Variants in TTF2 observed in about 807,000 individuals in gnomAD.
TTF2 encodes the protein transcription termination factor 2.
In TTF2, 108 loss-of-function variants were observed where a neutral mutation model predicts 142.4. The ratio of observed to expected loss-of-function variants is 0.76; its 90% CI spans 0.65 to 0.89. The LOEUF (loss-of-function observed/expected upper bound fraction) is 0.89, where lower values mean the gene tolerates loss of function less well. Among genes scored for constraint, TTF2 ranks in the 40% least tolerant of loss-of-function variants. The pLI, the probability that TTF2 is intolerant of heterozygous loss-of-function variation, is 0.00. For missense variants in TTF2, 1,327 were observed against 1,379.8 expected, an observed-to-expected ratio of 0.96 and a Z score of 0.61; for synonymous variants, 483 against 506.2, an observed-to-expected ratio of 0.95 and a Z score of 0.61.
intron 10 of TTF2, 88 bp downstream of exon 10, chr1:117,082,035 T>A: frequency 6.3e-7 from 1 of 1,584,028 alleles, no homozygotes; most frequent in South Asian, 1.1e-5. Context: ...AAAGGACACC[T>A]TTGGTCATAT....
In TTF2 at chr1:117,092,720, T is replaced by C. The variant is rs1249057818; in HGVS notation, c.2806-11T>C. On this transcript the variant is annotated splice_polypyrimidine_tract_variant and intron_variant, in intron 17 of 22. Coordinates refer to ENST00000369466, the MANE Select transcript of TTF2 (RefSeq NM_003594.4). This position sits in a 1 kb window ranked among gnomAD's most constrained non-coding sequence, Gnocchi z 4.4. ...ACTCCCAGCTGCTCCTGTCCTTTTTTGTCTGTTCAGGCCCTGGATCCAATG... is the reference window on the plus strand; with the variant it reads ...ACTCCCAGCTGCTCCTGTCCTTTTTCGTCTGTTCAGGCCCTGGATCCAATG... 1 of 1,607,580 alleles carries C rather than the reference T, an allele frequency of 6.2e-7. No individual in the cohort carries two copies. Among genetic ancestry groups the C allele is most frequent in the Non-Finnish European group, 8.5e-7 (1 of 1,176,836 alleles).
intron 2 of TTF2, among the ~76,000 whole-genome samples, chr1:117,060,846 A>G: frequency 6.6e-6 from 1 of 152,086 alleles, no homozygotes. Context: ...GTTTCTATTC[A>G]CTTGACAGGC....
At chr1:117,091,254 C>A in intron 15 of TTF2, 74 bp from the exon 16 acceptor site, 3 of 1,249,182 alleles carry the variant, frequency 2.4e-6, no homozygotes, top group Non-Finnish European at 2.2e-6. Flanking sequence ...TTGTCAAGAT[C>A]CCACTGCAGG....
Position 117,101,364 on chromosome 1 carries a change from T to C in TTF2, c.3345-16T>C. ...GGTTTTTGATAGTTTGCTTATTTTTTGTTTTTGTTTTTTAGATTTGTTTGT... is the reference window on the plus strand; with the variant it reads ...GGTTTTTGATAGTTTGCTTATTTTTCGTTTTTGTTTTTTAGATTTGTTTGT... On this transcript the variant is annotated splice_polypyrimidine_tract_variant and intron_variant, in intron 22 of 22. Transcript: ENST00000369466. This position sits in a 1 kb window ranked among gnomAD's most constrained non-coding sequence, Gnocchi z 5.9. The C allele has an allele frequency of 6.4e-7, 1 of 1,568,974 alleles. No individual in the cohort carries two copies. The highest frequency in any genetic ancestry group is 8.6e-7 in the Non-Finnish European group (1 of 1,167,056).
chr1:117,076,421 T>G lies in TTF2; in HGVS notation c.1390+127T>G. The G allele has an allele frequency of 1.1e-6, 1 of 908,050 alleles. No homozygotes were observed. The highest frequency in any genetic ancestry group is 1.7e-5 in the African/African-American group (1 of 59,376). The allele number at this position is 908,050 out of a possible 1,614,324, so 56.2% of individuals were successfully genotyped here. A position where few individuals can be genotyped will look rare whatever the true frequency, so the allele number is the denominator to read the frequency against. On this transcript the variant is annotated intron_variant, in intron 6 of 22. Transcript: ENST00000369466. The surrounding 1 kb of genome is among the most constrained non-coding windows in gnomAD (Gnocchi z 4.6). ...CATTTTATTATCTGCTTCTGAGACT[T>G]CTTTCACATTACACCTATGGTTCAT...
intron 3 of TTF2, among the ~76,000 whole-genome samples, chr1:117,067,806 T>C (rs917404176): frequency 6.6e-6 from 1 of 152,236 alleles, no homozygotes; most frequent in African/African-American, 2.4e-5. Flanking sequence ...TTAAATATTT[T>C]ACATCCTCTA....
rs1240885357 is a variant in TTF2 at position 117,106,252 on chromosome 1, T to G, written c.*4728T>G. On this transcript the variant is annotated 3_prime_UTR_variant, in exon 23 of 23. Coordinates refer to ENST00000369466, the MANE Select transcript of TTF2 (RefSeq NM_003594.4). ...TACAAACTACCACAGAAGTCAGTAG[T>G]TAGGGGATGGAGATAGATATGAAAA... 2.7e-5 allele frequency: 4 copies of G among 149,932 alleles called. No homozygotes were observed. In the East Asian group the frequency reaches 5.8e-4, roughly 22 times the overall value. The allele number at this position is 149,932 out of a possible 1,614,324, so 9.3% of individuals were successfully genotyped here. A position where few individuals can be genotyped will look rare whatever the true frequency, so the allele number is the denominator to read the frequency against.
Position 117,063,187 on chromosome 1 carries a change from G to T in TTF2, c.218+714G>T, listed in dbSNP as rs1274107393. 6.6e-6 allele frequency among the ~76,000 whole-genome samples: 1 copy of T among 152,000 alleles called. No homozygotes were observed. Among genetic ancestry groups the T allele is most frequent in the African/African-American group, 2.4e-5 (1 of 41,376 alleles). On this transcript the variant is annotated intron_variant, in intron 3 of 22. Coordinates refer to ENST00000369466, the MANE Select transcript of TTF2 (RefSeq NM_003594.4). The surrounding 1 kb of genome is among the most constrained non-coding windows in gnomAD (Gnocchi z 4.1). ...TCTAGATCCCCCCACCCAATTAAAGGCATTTGAGTACCACCTACAATTTTT... is the reference window on the plus strand; with the variant it reads ...TCTAGATCCCCCCACCCAATTAAAGTCATTTGAGTACCACCTACAATTTTT...
Position 117,076,673 on chromosome 1 carries a change from C to T in TTF2, c.1423C>T (p.Gln475Ter). The change falls in exon 7 of 23, where the codon CAG becomes TAG. Residue 475 changes from glutamine to a stop codon, truncating the protein, a stop_gained. Coordinates refer to ENST00000369466, the MANE Select transcript of TTF2 (RefSeq NM_003594.4). LOFTEE classifies it high-confidence loss of function. This position sits in a 1 kb window ranked among gnomAD's most constrained non-coding sequence, Gnocchi z 4.6. ...TGAGAAGAGTAACAGTCAAGTACCA[C>T]AGCAGAGTCACTTCACCAAAACTAC... Reference protein sequence around the residue: ...TNEKSNSQVPQQSHFTKTTTG... With the variant: ...TNEKSNSQVP 1 of 1,613,408 alleles carries T rather than the reference C, an allele frequency of 6.2e-7. No individual in the cohort carries two copies. The highest frequency in any genetic ancestry group is 8.5e-7 in the Non-Finnish European group (1 of 1,179,650).
In TTF2 at chr1:117,104,989, A is replaced by G. The variant is rs1268472443; in HGVS notation, c.*3465A>G. ...CTAGCGATGGGCAGCATCCCACAACACAGTGGTCTAATTGAGGTGCTGCAC... is the reference window on the plus strand; with the variant it reads ...CTAGCGATGGGCAGCATCCCACAACGCAGTGGTCTAATTGAGGTGCTGCAC... On this transcript the variant is annotated 3_prime_UTR_variant, in exon 23 of 23. Coordinates refer to ENST00000369466, the MANE Select transcript of TTF2 (RefSeq NM_003594.4). The G allele has an allele frequency of 2.0e-5, 3 of 152,232 alleles. No individual in the cohort carries two copies. The highest frequency in any genetic ancestry group is 4.4e-5 in the Non-Finnish European group (3 of 68,050). The allele number at this position is 152,232 out of a possible 1,614,324, so 9.4% of individuals were successfully genotyped here.
Position 117,100,517 on chromosome 1 carries a change from A to C in TTF2, c.3345-863A>C, listed in dbSNP as rs1649502852. On this transcript the variant is annotated intron_variant, in intron 22 of 22. Coordinates refer to ENST00000369466, the MANE Select transcript of TTF2 (RefSeq NM_003594.4). This position sits in a 1 kb window ranked among gnomAD's most constrained non-coding sequence, Gnocchi z 4.6. ...TCAAATCAAAATGTCTTAGCATGAC[A>C]TGCACCACCACCCGTGATCTGGCCC... Among the ~76,000 whole-genome samples the C allele has an allele frequency of 6.6e-6, 1 of 152,142 alleles. No homozygotes were observed. The highest frequency in any genetic ancestry group is 6.5e-5 in the Admixed American group (1 of 15,270).
rs1397654049 is a variant in TTF2, at chr1:117,063,617, G to A, written c.218+1144G>A. The stretch of plus-strand genomic sequence containing the variant: ...ATTTCATTTATAAATGCACCACTTT[G>A]TTTGGTGTGCCTATTTGCCATCAGA... On this transcript the variant is annotated intron_variant, in intron 3 of 22. Coordinates refer to ENST00000369466, the MANE Select transcript of TTF2 (RefSeq NM_003594.4). The surrounding 1 kb of genome is among the most constrained non-coding windows in gnomAD (Gnocchi z 4.1). Among the ~76,000 whole-genome samples the A allele has an allele frequency of 6.6e-6, 1 of 152,064 alleles. No individual in the cohort carries two copies. Among genetic ancestry groups the A allele is most frequent in the African/African-American group, 2.4e-5 (1 of 41,400 alleles).
Position 117,096,140 on chromosome 1 carries a change from T to C in TTF2, c.3036-9T>C, listed in dbSNP as rs1264511665. ...TTAGGGTATTTTTTTATTTTATTCT[T>C]CTTTCCAGTGTCATTGTCTCTCAGT... On this transcript the variant is annotated splice_polypyrimidine_tract_variant and intron_variant, in intron 19 of 22. Transcript: ENST00000369466. The C allele has an allele frequency of 6.8e-6, 11 of 1,613,872 alleles. No homozygotes were observed. Among genetic ancestry groups the C allele is most frequent in the Admixed American group, 1.7e-5 (1 of 59,986 alleles).
intron 8 of TTF2, among the ~76,000 whole-genome samples, chr1:117,078,565 G>C (rs533438916): frequency 6.6e-6 from 1 of 152,222 alleles, no homozygotes; most frequent in Non-Finnish European, 1.5e-5. Context: ...GTGGTGACTA[G>C]TGGGAAGATA....
At chr1:117,089,758 T>C (rs1324307529) in intron 13 of TTF2, among the ~76,000 whole-genome samples, 6 of 152,222 alleles carry the variant, frequency 3.9e-5, no homozygotes, top group Admixed American at 3.9e-4. Flanking sequence ...GTGAAATTTC[T>C]TTCTTAGCTC....
At position 117,086,660 on chromosome 1, in the gene TTF2, T is replaced by C; in HGVS notation, c.2160+138T>C. 1.6e-6 allele frequency: 1 copy of C among 644,136 alleles called. No individual in the cohort carries two copies. Among genetic ancestry groups the C allele is most frequent in the Admixed American group, 2.5e-5 (1 of 40,676 alleles). The allele number at this position is 644,136 out of a possible 1,614,324, so 39.9% of individuals were successfully genotyped here. ...TAAATGATCCGCATGTGGAAAGGAA[T>C]TGTTCTTTCCTCTATCCCATCACCC... On this transcript the variant is annotated intron_variant, in intron 12 of 22. Coordinates refer to ENST00000369466, the MANE Select transcript of TTF2 (RefSeq NM_003594.4). The surrounding 1 kb of genome is among the most constrained non-coding windows in gnomAD (Gnocchi z 4.2).
At position 117,076,400 on chromosome 1, in the gene TTF2, T is replaced by C; in HGVS notation, c.1390+106T>C. On this transcript the variant is annotated intron_variant, in intron 6 of 22. Coordinates refer to ENST00000369466, the MANE Select transcript of TTF2 (RefSeq NM_003594.4). This position sits in a 1 kb window ranked among gnomAD's most constrained non-coding sequence, Gnocchi z 4.6. ...GTGTTGATTCATTCACTTTTCCATT[T>C]TATTATCTGCTTCTGAGACTTCTTT... is the stretch of plus-strand genomic sequence containing the variant. The C allele has an allele frequency of 9.9e-7, 1 of 1,009,482 alleles. No homozygotes were observed. Among genetic ancestry groups the C allele is most frequent in the Non-Finnish European group, 1.4e-6 (1 of 690,060 alleles). 62.5% of individuals were successfully genotyped at this position (1,009,482 alleles called of 1,614,324 possible).
intron 16 of TTF2, 129 bp downstream of exon 16, chr1:117,091,539 C>A: frequency 2.0e-6 from 2 of 1,003,984 alleles, no homozygotes; most frequent in Non-Finnish European, 2.9e-6. Flanking sequence ...ACCCTCAAAC[C>A]AGAGTAAAAT....
chr1:117,100,703 G>A lies in TTF2; in HGVS notation c.3345-677G>A, dbSNP rs1025948306. Among the ~76,000 whole-genome samples, 4 of 152,132 alleles carry A rather than the reference G, an allele frequency of 2.6e-5. No individual in the cohort carries two copies. Among genetic ancestry groups the A allele is most frequent in the African/African-American group, 7.2e-5 (3 of 41,418 alleles). ...TGGCAAACCCTTGCCCAACATACAA[G>A]TCTCATATTAAGAGTTAACTGTTTA... On this transcript the variant is annotated intron_variant, in intron 22 of 22. Transcript: ENST00000369466. The surrounding 1 kb of genome is among the most constrained non-coding windows in gnomAD (Gnocchi z 4.6).
Sources: gnomAD v4.1 joint callset for allele counts (sites outside exome capture counted in the v4.1 genomes callset) on GRCh38, gnomAD v4.1.1 for gene constraint, Gnocchi (gnomAD v3.1) non-coding constraint, MANE v1.5 for transcripts, NCBI Gene and HGNC (gene_info 2026-07-23, HGNC 2026-07-21) for gene names.